Variants in CD38 observed in about 807,000 individuals in gnomAD.
CD38 encodes the protein ADP-ribosyl cyclase/cyclic ADP-ribose hydrolase 1.
Under a neutral mutation model 36.3 loss-of-function variants are expected in CD38, and 31 were observed. The observed-to-expected ratio is 0.85, with a 90% CI of 0.64 to 1.15. The LOEUF is 1.15. CD38 is among the 50% of genes most tolerant of loss of function. The probability of loss-of-function intolerance (pLI) is 0.00; values close to 1 mark genes in which losing one functional copy is unlikely to be tolerated. For synonymous variants in CD38, 131 were observed against 135.2 expected (o/e 0.97, Z 0.22); for missense variants, 380 against 371.9 (o/e 1.02, Z -0.18).
chr4:15,779,713 C>A (rs913589000), intron 1 of CD38, among the ~76,000 whole-genome samples: 5 of 151,724 alleles, frequency 3.3e-5, no homozygotes, highest in African/African-American at 1.2e-4. Context: ...GAGAGAGAAA[C>A]TAGAAGTTGA....
chr4:15,827,751 T>C (rs964727851), intron 3 of CD38, among the ~76,000 whole-genome samples: 1 of 152,098 alleles, frequency 6.6e-6, no homozygotes, highest in Admixed American at 6.5e-5. Context: ...TTATTTACAG[T>C]TCAGAGTTCC....
chr4:15,838,502 C>T (rs978869617), intron 5 of CD38, among the ~76,000 whole-genome samples: 1 of 152,090 alleles, frequency 6.6e-6, no homozygotes, highest in Non-Finnish European at 1.5e-5. Context: ...ACACCGTTCC[C>T]CCATATGACC....
At chr4:15,826,480 C>A (rs866997064) in intron 3 of CD38, among the ~76,000 whole-genome samples, 1 of 151,986 alleles carries the variant, frequency 6.6e-6, no homozygotes, top group Non-Finnish European at 1.5e-5. Flanking sequence ...CACACACACA[C>A]ACACACACAC....
At chr4:15,798,887 T>C (rs1723157018) in intron 1 of CD38, among the ~76,000 whole-genome samples, 1 of 152,210 alleles carries the variant, frequency 6.6e-6, no homozygotes, top group Non-Finnish European at 1.5e-5. Flanking sequence ...CTTTTGCTTG[T>C]TCTTATGTTG....
chr4:15,821,129 C>A (rs1283437860), intron 2 of CD38, among the ~76,000 whole-genome samples: 2 of 152,108 alleles, frequency 1.3e-5, no homozygotes, highest in Non-Finnish European at 2.9e-5. Context: ...TTAAGAAGTT[C>A]TTTGAAACTA....
At chr4:15,788,967 G>C (rs569099273) in intron 1 of CD38, among the ~76,000 whole-genome samples, 103 of 152,270 alleles carry the variant, frequency 6.8e-4, no homozygotes, top group African/African-American at 2.4e-3. Context: ...AGATCTCCAA[G>C]TTACCATCTA....
At position 15,791,430 on chromosome 4, in the gene CD38, A is replaced by C. The variant is rs1457642744; in HGVS notation, c.233+12783A>C. On this transcript the variant is annotated intron_variant, in intron 1 of 7. Coordinates refer to ENST00000226279, the MANE Select transcript of CD38 (RefSeq NM_001775.4). ...CTCTGCCCGTCCGCCCGTACTGGGAAGTGAGGACCCCTCTGCCCGGCCAGC... is the reference window on the plus strand; with the variant it reads ...CTCTGCCCGTCCGCCCGTACTGGGACGTGAGGACCCCTCTGCCCGGCCAGC... Among the ~76,000 whole-genome samples, 4 of 7,442 alleles carry C rather than the reference A, an allele frequency of 5.4e-4. 1 individual carries two copies. The highest frequency in any genetic ancestry group is 0.012 in the East Asian group (2 of 170). The allele number at this position is 7,442 out of a possible 152,430, so 4.9% of individuals were successfully genotyped here.
intron 1 of CD38, among the ~76,000 whole-genome samples, chr4:15,797,565 G>A (rs1293905418): frequency 2.6e-5 from 4 of 152,138 alleles, no homozygotes; most frequent in Admixed American, 1.3e-4. Flanking sequence ...TGCAGCTGCC[G>A]TGATAAAGTA....
At chr4:15,797,342 T>C (rs1723123056) in intron 1 of CD38, among the ~76,000 whole-genome samples, 1 of 152,244 alleles carries the variant, frequency 6.6e-6, no homozygotes, top group Non-Finnish European at 1.5e-5. Flanking sequence ...TGAATGACCA[T>C]ACTACTCATT....
At chr4:15,790,307 CGAG>C (rs1722938165) in intron 1 of CD38, among the ~76,000 whole-genome samples, 1 of 151,872 alleles carries the variant, frequency 6.6e-6, no homozygotes, top group African/African-American at 2.4e-5. Context: ...CTCAGCCTGC[CGAG>C]TGCCTGCGCA....
intron 2 of CD38, among the ~76,000 whole-genome samples, chr4:15,823,851 G>C (rs1723790233): frequency 6.6e-6 from 1 of 152,126 alleles, no homozygotes; most frequent in Non-Finnish European, 1.5e-5. Flanking sequence ...ATATGTGCAT[G>C]CATATGTTCA....
intron 1 of CD38, among the ~76,000 whole-genome samples, chr4:15,779,032 C>A (rs1375082485): frequency 6.6e-6 from 1 of 152,248 alleles, no homozygotes. Flanking sequence ...CTCGCAGATG[C>A]AGGGTGTCGC....
Position 15,840,469 on chromosome 4 carries a change from C to A in CD38, c.770C>A (p.Pro257His). Residue 257 changes from proline to histidine, a missense_variant, in exon 7 of 8, where the codon CCC becomes CAC. Coordinates refer to ENST00000226279, the MANE Select transcript of CD38 (RefSeq NM_001775.4). ...TTCCCCAGAGACTTATGCCAGGATCCCACCATAAAAGAGCTGGAATCGATT... is the reference window on the plus strand; with the variant it reads ...TTCCCCAGAGACTTATGCCAGGATCACACCATAAAAGAGCTGGAATCGATT... ...REDSRDLCQD[P>H]TIKELESIIS... 1 of 1,602,556 alleles carries A rather than the reference C, an allele frequency of 6.2e-7. No homozygotes were observed. Among genetic ancestry groups the A allele is most frequent in the Non-Finnish European group, 8.5e-7 (1 of 1,170,554 alleles).
At chr4:15,797,205 T>C (rs1297596146) in intron 1 of CD38, among the ~76,000 whole-genome samples, 1 of 152,208 alleles carries the variant, frequency 6.6e-6, no homozygotes, top group Non-Finnish European at 1.5e-5. Flanking sequence ...TTTTGCCCTG[T>C]AGAGTGAATT....
rs575504328 is a variant in CD38 at position 15,834,423 on chromosome 4, A to G, written c.585+121A>G. The G allele has an allele frequency of 2.6e-5, 17 of 662,880 alleles. No individual in the cohort carries two copies. In the South Asian group the frequency reaches 3.1e-4, roughly 12 times the overall value. The allele number at this position is 662,880 out of a possible 1,614,324, so 41.1% of individuals were successfully genotyped here. ...ATACTTTTAGGAATGAAAATATAGG[A>G]TTCATTCCTGAGAAAAAGGTTCAGA... On this transcript the variant is annotated intron_variant, in intron 4 of 7. Transcript: ENST00000226279.
In CD38 at chr4:15,850,956, G is replaced by C. The variant is rs989033674; in HGVS notation, c.*2354G>C. ...GCTCAACAGGATACCCCTTGAAGTG[G>C]CTGCCTGGGCCACATCCCCTTCCAA... On this transcript the variant is annotated 3_prime_UTR_variant, in exon 8 of 8. Coordinates refer to ENST00000226279, the MANE Select transcript of CD38 (RefSeq NM_001775.4). 4 of 152,150 alleles carry C rather than the reference G, an allele frequency of 2.6e-5. No homozygotes were observed. The highest frequency in any genetic ancestry group is 9.7e-5 in the African/African-American group (4 of 41,412). 9.4% of individuals were successfully genotyped at this position (152,150 alleles called of 1,614,324 possible).
In CD38 at chr4:15,813,887, T is replaced by A. The variant is rs536196335; in HGVS notation, c.234-2624T>A. Among the ~76,000 whole-genome samples the A allele has an allele frequency of 2.0e-5, 3 of 152,342 alleles. No individual in the cohort carries two copies. The South Asian group carries it at 6.2e-4, about 32-fold the overall frequency. On this transcript the variant is annotated intron_variant, in intron 1 of 7. Transcript: ENST00000226279. ...GGTTGGCTCTAAGTCTTTGCTATTG[T>A]AAATAGTGCTCCAATAAACATATGT...
At chr4:15,836,125 G>A (rs1163562551) in intron 4 of CD38, among the ~76,000 whole-genome samples, 1 of 152,210 alleles carries the variant, frequency 6.6e-6, no homozygotes, top group Admixed American at 6.5e-5. Context: ...CATTTGTGCT[G>A]CTATCACAAA....
intron 1 of CD38, among the ~76,000 whole-genome samples, chr4:15,794,572 G>T (rs1723069857): frequency 6.6e-6 from 1 of 152,184 alleles, no homozygotes; most frequent in African/African-American, 2.4e-5. Context: ...CAATGGATCG[G>T]TGACTTGGCA....
Sources: gnomAD v4.1 joint callset for allele counts (sites outside exome capture counted in the v4.1 genomes callset) on GRCh38, gnomAD v4.1.1 for gene constraint, MANE v1.5 for transcripts, NCBI Gene and HGNC (gene_info 2026-07-23, HGNC 2026-07-21) for gene names.